Variants in PAPPA2 observed in about 807,000 individuals in gnomAD.
PAPPA2 encodes the protein pappalysin 2, also known as pappalysin-2.
Under a neutral mutation model 176.4 loss-of-function variants are expected in PAPPA2, and 86 were observed. The observed-to-expected ratio is 0.49, with a 90% CI of 0.41 to 0.58. PAPPA2 has a LOEUF of 0.58. PAPPA2 is among the 20% of genes least tolerant of loss of function. The probability of loss-of-function intolerance (pLI) is 0.00; values close to 1 mark genes in which losing one functional copy is unlikely to be tolerated. For synonymous variants in PAPPA2, 809 were observed against 852.2 expected (o/e 0.95, Z 0.88); for missense variants, 2,073 against 2,256.9 (o/e 0.92, Z 1.65).
At chr1:176,538,946 C>T (rs770546789) in intron 1 of PAPPA2, among the ~76,000 whole-genome samples, 3 of 152,156 alleles carry the variant, frequency 2.0e-5, no homozygotes, top group Non-Finnish European at 4.4e-5. Context: ...TAAGGATTAT[C>T]CCTCAGATTC....
chr1:176,684,067 T>C (rs1659717428), intron 4 of PAPPA2, among the ~76,000 whole-genome samples: 1 of 152,152 alleles, frequency 6.6e-6, no homozygotes, highest in African/African-American at 2.4e-5. Flanking sequence ...GGCTAAACCA[T>C]GGATGGAATC....
intron 12 of PAPPA2, among the ~76,000 whole-genome samples, chr1:176,722,443 T>G (rs572922296): frequency 4.0e-5 from 6 of 150,978 alleles, no homozygotes; most frequent in African/African-American, 1.5e-4. Context: ...TTTTTTTAGT[T>G]TTTTCTTTCT....
chr1:176,512,261 C>A (rs1648654134), intron 1 of PAPPA2, among the ~76,000 whole-genome samples: 1 of 142,660 alleles, frequency 7.0e-6, no homozygotes. Context: ...TAAGTGTTGG[C>A]AAAAATGTGG....
At position 176,770,571 on chromosome 1, in the gene PAPPA2, A is replaced by G. The variant is rs576461421; in HGVS notation, c.4502-396A>G. Among the ~76,000 whole-genome samples, 6 of 152,312 alleles carry G rather than the reference A, an allele frequency of 3.9e-5. No homozygotes were observed. In the East Asian group the frequency reaches 1.2e-3, roughly 29 times the overall value. On this transcript the variant is annotated intron_variant, in intron 16 of 22. Coordinates refer to ENST00000367662, the MANE Select transcript of PAPPA2 (RefSeq NM_020318.3). Reference sequence around the variant, plus strand: ...GTTTGAAATTTACACACGTTAATACATGTAAAATGCTTAGAATAGTGCCTG... The same window carrying G: ...GTTTGAAATTTACACACGTTAATACGTGTAAAATGCTTAGAATAGTGCCTG...
chr1:176,522,355 T>C (rs1342428302), intron 1 of PAPPA2, among the ~76,000 whole-genome samples: 1 of 152,222 alleles, frequency 6.6e-6, no homozygotes, highest in Admixed American at 6.5e-5. Context: ...CTGTAAGTAC[T>C]GCCTGAGCCT....
At chr1:176,566,357 C>A (rs1651978088) in intron 2 of PAPPA2, among the ~76,000 whole-genome samples, 1 of 152,198 alleles carries the variant, frequency 6.6e-6, no homozygotes, top group Non-Finnish European at 1.5e-5. Context: ...TCACCACACT[C>A]CAGCTTCAGT....
chr1:176,642,904 C>A (rs953906275), intron 3 of PAPPA2, among the ~76,000 whole-genome samples: 3 of 151,936 alleles, frequency 2.0e-5, no homozygotes, highest in Admixed American at 2.0e-4. Flanking sequence ...ATGACATTCT[C>A]TTCTTTTTGA....
At chr1:176,494,105 A>G (rs1342010375) in intron 1 of PAPPA2, among the ~76,000 whole-genome samples, 1 of 152,210 alleles carries the variant, frequency 6.6e-6, no homozygotes, top group African/African-American at 2.4e-5. Flanking sequence ...ATTAGACTGA[A>G]ACTTAGACTG....
chr1:176,748,704 G>T (rs909372387), intron 14 of PAPPA2, among the ~76,000 whole-genome samples: 6 of 152,020 alleles, frequency 3.9e-5, no homozygotes, highest in African/African-American at 1.4e-4. Flanking sequence ...ATTTTTTGCT[G>T]TACCTTTTCT....
Position 176,695,838 on chromosome 1 carries a change from TG to T in PAPPA2, c.2727del (p.Trp909Ter). The T allele has an allele frequency of 6.2e-7, 1 of 1,614,044 alleles. No homozygotes were observed. The highest frequency in any genetic ancestry group is 8.5e-7 in the Non-Finnish European group (1 of 1,179,986). On this transcript the variant is annotated frameshift_variant, in exon 7 of 23. Coordinates refer to ENST00000367662, the MANE Select transcript of PAPPA2 (RefSeq NM_020318.3). LOFTEE classifies it high-confidence loss of function. The stretch of plus-strand genomic sequence containing the variant: ...GCGGGTGTGTGACTCCTCAGGTTAT[TG>T]GACCCCAGAGGAGGCTGTGGGTAAA... ...SRRVCDSSGY[W>X]TPEEAVGPPD...
intron 3 of PAPPA2, among the ~76,000 whole-genome samples, chr1:176,650,859 C>T (rs1015214248): frequency 1.3e-5 from 2 of 151,176 alleles, no homozygotes; most frequent in African/African-American, 4.9e-5. Context: ...TGTAATTTTC[C>T]TAGATCTATT....
At position 176,765,708 on chromosome 1, in the gene PAPPA2, A is replaced by C; in HGVS notation, c.4194A>C (p.Ser1398=). 1 of 1,614,002 alleles carries C rather than the reference A, an allele frequency of 6.2e-7. No homozygotes were observed. The highest frequency in any genetic ancestry group is 8.5e-7 in the Non-Finnish European group (1 of 1,179,996). Residue 1398 remains serine (S), a synonymous_variant, in exon 15 of 23, where the codon TCA becomes TCC. Transcript: ENST00000367662. ...RPCGKQDSCP[S]LLLDHADVVN... is the part of the protein sequence containing the mutation. Reference sequence around the variant, plus strand: ...GTGGGAAGCAGGACAGCTGTCCGTCATTGCTGCTTGATCATGCTGATGTGG... The same window carrying C: ...GTGGGAAGCAGGACAGCTGTCCGTCCTTGCTGCTTGATCATGCTGATGTGG...
intron 17 of PAPPA2, 58 bp from the exon 18 acceptor site, chr1:176,789,751 T>C: frequency 6.5e-7 from 1 of 1,545,096 alleles, no homozygotes; most frequent in African/African-American, 1.4e-5. Flanking sequence ...GAGGATCAAG[T>C]CTTTCATGAC....
At chr1:176,490,000 TG>T (rs987983718) in intron 1 of PAPPA2, among the ~76,000 whole-genome samples, 9 of 152,326 alleles carry the variant, frequency 5.9e-5, no homozygotes, top group African/African-American at 1.9e-4. Flanking sequence ...TTCTGGATCT[TG>T]TTCTATGCCA....
chr1:176,469,091 C>T (rs760547665), intron 1 of PAPPA2, among the ~76,000 whole-genome samples: 2 of 152,256 alleles, frequency 1.3e-5, no homozygotes, highest in Non-Finnish European at 2.9e-5. Context: ...TACACTCAGT[C>T]GCTTGCATGG....
intron 3 of PAPPA2, among the ~76,000 whole-genome samples, chr1:176,623,601 TCCTTCCTTCCTTCCTTCC>T (rs1558478933): frequency 3.3e-4 from 48 of 145,574 alleles, no homozygotes; most frequent in African/African-American, 1.2e-3. Context: ...CTTCCTTCCT[TCCTTCCTTCCTTCCTTCC>T]TTCCTTTTTT....
chr1:176,709,075 G>A (rs1661023035), intron 10 of PAPPA2, among the ~76,000 whole-genome samples: 1 of 152,140 alleles, frequency 6.6e-6, no homozygotes, highest in Non-Finnish European at 1.5e-5. Context: ...TCTATAAAGA[G>A]TCAGTGCTAT....
chr1:176,588,904 A>G (rs1046307194), intron 2 of PAPPA2, among the ~76,000 whole-genome samples: 4 of 152,188 alleles, frequency 2.6e-5, no homozygotes, highest in African/African-American at 9.7e-5. Context: ...GGTCAGTCTG[A>G]AGATGTGTCT....
At chr1:176,712,395 A>G (rs1183033863) in intron 12 of PAPPA2, among the ~76,000 whole-genome samples, 2 of 152,094 alleles carry the variant, frequency 1.3e-5, no homozygotes, top group Admixed American at 6.6e-5. Context: ...ATCATCATAG[A>G]TTAGTTTTGA....
Sources: gnomAD v4.1 joint callset for allele counts (sites outside exome capture counted in the v4.1 genomes callset) on GRCh38, gnomAD v4.1.1 for gene constraint, MANE v1.5 for transcripts, NCBI Gene and HGNC (gene_info 2026-07-23, HGNC 2026-07-21) for gene names.